TCF20: variants seen among roughly 807,000 people sequenced by gnomAD.
TCF20 encodes the protein transcription factor 20, also known as SPRE-binding protein.
TCF20 carries 3 observed loss-of-function variants against 148.6 expected under a neutral mutation model. The ratio of observed to expected loss-of-function variants is 0.02; its 90% CI spans 0.01 to 0.05. The LOEUF is 0.05. Among genes scored for constraint, TCF20 ranks in the 10% least tolerant of loss-of-function variants. The probability of loss-of-function intolerance (pLI) is 1.00; values close to 1 mark genes in which losing one functional copy is unlikely to be tolerated. For synonymous variants in TCF20, 1,049 were observed against 909.5 expected, an observed-to-expected ratio of 1.15 and a Z score of -2.76; for missense variants, 2,350 against 2,429.3, an observed-to-expected ratio of 0.97 and a Z score of 0.69.
chr22:42,235,897 A>C (rs1923840079), intron 1 of TCF20, among the ~76,000 whole-genome samples: 2 of 152,236 alleles, frequency 1.3e-5, no homozygotes, highest in African/African-American at 4.8e-5. Context: ...AACCAATAAT[A>C]AAATAAGTAA....
chr22:42,174,905 G>T (rs917425993), intron 3 of TCF20, among the ~76,000 whole-genome samples: 5 of 151,946 alleles, frequency 3.3e-5, no homozygotes, highest in African/African-American at 4.8e-5. Flanking sequence ...CGTGGCGGCG[G>T]GCGCCTGTAG....
chr22:42,164,684 A>C (rs1159553754), intron 5 of TCF20, among the ~76,000 whole-genome samples: 3 of 152,158 alleles, frequency 2.0e-5, no homozygotes, highest in Non-Finnish European at 2.9e-5. Flanking sequence ...AAATGATCTG[A>C]AATTGTGGTG....
intron 1 of TCF20, among the ~76,000 whole-genome samples, chr22:42,313,012 G>C (rs1377014679): frequency 6.6e-6 from 1 of 152,170 alleles, no homozygotes; most frequent in African/African-American, 2.4e-5. Context: ...CCAGCTTCTT[G>C]CAATCTTCCC....
chr22:42,174,236 AT>A (rs1936304757), intron 3 of TCF20, among the ~76,000 whole-genome samples: 1 of 152,018 alleles, frequency 6.6e-6, no homozygotes, highest in South Asian at 2.1e-4. Context: ...AAAAAAATTC[AT>A]TTCCTCAGTC....
intron 1 of TCF20, among the ~76,000 whole-genome samples, chr22:42,315,078 A>G (rs1011739771): frequency 1.9e-4 from 29 of 152,028 alleles, no homozygotes; most frequent in African/African-American, 6.5e-4. Context: ...TTTTTCAGAA[A>G]CCTGGAATCA....
intron 1 of TCF20, among the ~76,000 whole-genome samples, chr22:42,298,328 C>T (rs1203621540): frequency 6.6e-6 from 1 of 152,156 alleles, no homozygotes; most frequent in African/African-American, 2.4e-5. Context: ...GGCACATGGG[C>T]GATTGACCCA....
chr22:42,234,143 C>T lies in TCF20; in HGVS notation c.-36-18802G>A, dbSNP rs574988197. On this transcript the variant is annotated intron_variant, in intron 1 of 5. Transcript: ENST00000677622. ...AACTGACCACATCCTAATTTACGAG[C>T]AGAAGTCGAGTCCAAACAAAAACAC... Among the ~76,000 whole-genome samples, 76 of 152,244 alleles carry T rather than the reference C, an allele frequency of 5.0e-4. 1 individual carries two copies. Among genetic ancestry groups the T allele is most frequent in the Middle Eastern group, 3.4e-3 (1 of 292 alleles).
intron 2 of TCF20, among the ~76,000 whole-genome samples, chr22:42,196,743 T>C (rs1300375882): frequency 3.3e-5 from 5 of 150,590 alleles, no homozygotes; most frequent in Non-Finnish European, 5.9e-5. Flanking sequence ...AAACTTCCAC[T>C]AGCTGCTCCG....
intron 1 of TCF20, among the ~76,000 whole-genome samples, chr22:42,296,704 A>G (rs1219782289): frequency 1.3e-5 from 2 of 152,210 alleles, no homozygotes; most frequent in African/African-American, 4.8e-5. Context: ...GCAGTGCGAC[A>G]GGGCCAAGTT....
chr22:42,270,616 G>T lies in TCF20; in HGVS notation c.-314C>A, dbSNP rs923577936. 6.9e-6 allele frequency among the ~76,000 whole-genome samples: 1 copy of T among 144,444 alleles called. No individual in the cohort carries two copies. The highest frequency in any genetic ancestry group is 2.5e-5 in the African/African-American group (1 of 40,380). 94.8% of individuals were successfully genotyped at this position (144,444 alleles called of 152,430 possible). A position where few individuals can be genotyped will look rare whatever the true frequency, so the allele number is the denominator to read the frequency against. ...GGGGCCGAAAGCGGCTGGGCTCGGG[G>T]TTTTTTCTCTCCATTCTCCCAACAC... On this transcript the variant is annotated 5_prime_UTR_variant, in exon 1 of 6. Coordinates refer to ENST00000677622, the MANE Select transcript of TCF20 (RefSeq NM_001378418.1).
At chr22:42,308,653 T>C (rs1927478043) in intron 1 of TCF20, among the ~76,000 whole-genome samples, 1 of 152,118 alleles carries the variant, frequency 6.6e-6, no homozygotes, top group Non-Finnish European at 1.5e-5. Context: ...GAAGGAACAC[T>C]GAGCCTCCCC....
intron 1 of TCF20, among the ~76,000 whole-genome samples, chr22:42,264,547 C>T (rs1926186799): frequency 6.6e-6 from 1 of 152,194 alleles, no homozygotes; most frequent in South Asian, 2.1e-4. Flanking sequence ...TTTGGATTAA[C>T]TTCTCAAGAT....
chr22:42,272,230 C>G (rs1176790706), upstream of TCF20, among the ~76,000 whole-genome samples: 1 of 152,194 alleles, frequency 6.6e-6, no homozygotes, highest in African/African-American at 2.4e-5. Context: ...TCTCAGGCCT[C>G]AAGACTTTTA....
At chr22:42,193,212 G>C (rs2147135458) in intron 2 of TCF20, among the ~76,000 whole-genome samples, 1 of 151,122 alleles carries the variant, frequency 6.6e-6, no homozygotes, top group East Asian at 1.9e-4. Flanking sequence ...GAAGAAAATA[G>C]AGATCTGGAA....
chr22:42,193,444 G>C (rs960634435), intron 2 of TCF20, among the ~76,000 whole-genome samples: 1 of 151,660 alleles, frequency 6.6e-6, no homozygotes, highest in African/African-American at 2.4e-5. Context: ...GAATCCTCTT[G>C]CCTCTACTTC....
chr22:42,169,894 A>T lies in TCF20; in HGVS notation c.5752T>A (p.Cys1918Ser), dbSNP rs1936017818. Reference sequence around the variant, plus strand: ...GAGAAGTTCTCCTCATGTAGCAAACAATCTGGAAGACAGAAGGGGACAGTC... The same window carrying T: ...GAGAAGTTCTCCTCATGTAGCAAACTATCTGGAAGACAGAAGGGGACAGTC... ...YHYPCAIDAD[C>S]LLHEENFSVR... The change falls in exon 4 of 6, where the codon TGT (cysteine) becomes AGT (serine). Residue 1918 changes from cysteine (C) to serine (S), a missense_variant and splice_region_variant. Physicochemically the swap from Cys to Ser is moderately radical, Grantham distance 112 (BLOSUM62 -1). Around this residue, in one of 7 missense-constraint regions of TCF20, gnomAD observed 67 missense variants for 60.8 expected, o/e 1.10. Coordinates refer to ENST00000677622, the MANE Select transcript of TCF20 (RefSeq NM_001378418.1). 1.2e-6 allele frequency: 2 copies of T among 1,613,562 alleles called. No homozygotes were observed. Among genetic ancestry groups the T allele is most frequent in the Non-Finnish European group, 1.7e-6 (2 of 1,179,996 alleles).
chr22:42,185,344 C>G (rs976354417), intron 2 of TCF20, among the ~76,000 whole-genome samples: 1 of 152,170 alleles, frequency 6.6e-6, no homozygotes. Context: ...TCTTGCACCC[C>G]CCAAGGACTG....
At chr22:42,295,221 G>C (rs1392232798) in intron 1 of TCF20, among the ~76,000 whole-genome samples, 2 of 152,102 alleles carry the variant, frequency 1.3e-5, no homozygotes, top group Admixed American at 6.5e-5. Flanking sequence ...TTGAGGTGAA[G>C]CATACAGCTG....
At chr22:42,243,262 T>C (rs1160443270) in intron 1 of TCF20, among the ~76,000 whole-genome samples, 3 of 124,078 alleles carry the variant, frequency 2.4e-5, no homozygotes, top group Non-Finnish European at 4.7e-5. Context: ...ATTGTACCAC[T>C]GCACTGGCTG....
Sources: allele counts gnomAD v4.1 joint callset (sites outside exome capture counted in the v4.1 genomes callset), GRCh38; gene constraint gnomAD v4.1.1; regional missense constraint gnomAD v4.1.1; transcripts MANE v1.5; gene names NCBI Gene and HGNC (gene_info 2026-07-23, HGNC 2026-07-21).